TNFRSF25: variants seen among roughly 807,000 people sequenced by gnomAD.
TNFRSF25 encodes tumor necrosis factor receptor superfamily member 25.
TNFRSF25 carries 28 observed loss-of-function variants against 49.4 expected under a neutral mutation model. That is an observed-to-expected ratio of 0.57 (90% CI 0.42 to 0.78). TNFRSF25 has a LOEUF of 0.78. TNFRSF25 is among the 30% of genes least tolerant of loss of function. The pLI is 0.00. For missense variants in TNFRSF25, 531 were observed against 581.6 expected (o/e 0.91, Z 0.90); for synonymous variants, 240 against 234.2 (o/e 1.02, Z -0.23).
Position 6,461,069 on chromosome 1 carries a change from C to T in TNFRSF25, c.*365G>A. The T allele has an allele frequency of 2.1e-6, 1 of 483,000 alleles. No homozygotes were observed. Among genetic ancestry groups the T allele is most frequent in the Non-Finnish European group, 4.2e-6 (1 of 238,924 alleles). The allele number at this position is 483,000 out of a possible 1,614,324, so 29.9% of individuals were successfully genotyped here. On this transcript the variant is annotated 3_prime_UTR_variant, in exon 10 of 10. Coordinates refer to ENST00000356876, the MANE Select transcript of TNFRSF25 (RefSeq NM_003790.3). This position sits in a 1 kb window ranked among gnomAD's most constrained non-coding sequence, Gnocchi z 6.3. ...CCATGGGTGCCAGATCCCGGGGTGACAAGATTCCCGTCCCCTTCGAATCCC... is the reference window on the plus strand; with the variant it reads ...CCATGGGTGCCAGATCCCGGGGTGATAAGATTCCCGTCCCCTTCGAATCCC...
Position 6,461,077 on chromosome 1 carries a change from C to A in TNFRSF25, c.*357G>T. The A allele has an allele frequency of 2.0e-6, 1 of 499,880 alleles. No individual in the cohort carries two copies. Among genetic ancestry groups the A allele is most frequent in the Non-Finnish European group, 4.0e-6 (1 of 248,536 alleles). The allele number at this position is 499,880 out of a possible 1,614,324, so 31.0% of individuals were successfully genotyped here. ...GCCAGATCCCGGGGTGACAAGATTC[C>A]CGTCCCCTTCGAATCCCTCGAGAAA... On this transcript the variant is annotated 3_prime_UTR_variant, in exon 10 of 10. Coordinates refer to ENST00000356876, the MANE Select transcript of TNFRSF25 (RefSeq NM_003790.3). This position sits in a 1 kb window ranked among gnomAD's most constrained non-coding sequence, Gnocchi z 6.3.
chr1:6,463,047 C>T, intron 6 of TNFRSF25, 25 bp downstream of exon 6: 1 of 1,552,352 alleles, frequency 6.4e-7, no homozygotes, highest in Non-Finnish European at 8.7e-7. Flanking sequence ...AGTTCTCCCA[C>T]TCGCATTCCC....
At position 6,461,237 on chromosome 1, in the gene TNFRSF25, C is replaced by A; in HGVS notation, c.*197G>T. 1 of 748,704 alleles carries A rather than the reference C, an allele frequency of 1.3e-6. No homozygotes were observed. Among genetic ancestry groups the A allele is most frequent in the Non-Finnish European group, 2.4e-6 (1 of 414,818 alleles). 46.4% of individuals were successfully genotyped at this position (748,704 alleles called of 1,614,324 possible). On this transcript the variant is annotated 3_prime_UTR_variant, in exon 10 of 10. Transcript: ENST00000356876. This position sits in a 1 kb window ranked among gnomAD's most constrained non-coding sequence, Gnocchi z 6.3. ...CGAGAAGTTGAGAAATGTCTTCACC[C>A]CCTCTCGACATTCGTTCGTGCTTCT...
rs1644263501 is a variant in TNFRSF25 at position 6,464,164 on chromosome 1, G to A, written c.542+211C>T. 42 of 1,425,446 alleles carry A rather than the reference G, an allele frequency of 2.9e-5. No homozygotes were observed. In the South Asian group the frequency reaches 5.4e-4, roughly 18 times the overall value. The allele number at this position is 1,425,446 out of a possible 1,614,324, so 88.3% of individuals were successfully genotyped here. A position where few individuals can be genotyped will look rare whatever the true frequency, so the allele number is the denominator to read the frequency against. ...GGGGGAATGCTGGCTGAAAGTGAAG[G>A]CAAATACCCTTATGTATCTGGCTAA... On this transcript the variant is annotated intron_variant, in intron 5 of 9. Coordinates refer to ENST00000356876, the MANE Select transcript of TNFRSF25 (RefSeq NM_003790.3).
In TNFRSF25 at chr1:6,464,472, A is replaced by G; in HGVS notation, c.464-19T>C. The G allele has an allele frequency of 6.2e-7, 1 of 1,611,510 alleles. No individual in the cohort carries two copies. Among genetic ancestry groups the G allele is most frequent in the Middle Eastern group, 1.7e-4 (1 of 6,060 alleles). On this transcript the variant is annotated intron_variant, in intron 4 of 9. Coordinates refer to ENST00000356876, the MANE Select transcript of TNFRSF25 (RefSeq NM_003790.3). ...CGGGAACCTGCAATCCAGGAGAGGC[A>G]TGCGTCACCATGGGACAGGAGTGGG...
At position 6,461,559 on chromosome 1, in the gene TNFRSF25, C is replaced by T. The variant is rs1569778694; in HGVS notation, c.1129G>A (p.Glu377Lys). ...EIGRFRDQQY[E>K]MLKRWRQQQP... Reference sequence around the variant, plus strand: ...TGCTGGCGCCAGCGCTTGAGCATCTCGTACTGCTGGTCTCGGAAGCGGCCG... The same window carrying T: ...TGCTGGCGCCAGCGCTTGAGCATCTTGTACTGCTGGTCTCGGAAGCGGCCG... The change falls in exon 10 of 10, where the codon GAG becomes AAG. Residue 377 changes from glutamate to lysine, a missense_variant. Physicochemically the swap from Glu to Lys is moderately conservative, Grantham distance 56. Coordinates refer to ENST00000356876, the MANE Select transcript of TNFRSF25 (RefSeq NM_003790.3). This position sits in a 1 kb window ranked among gnomAD's most constrained non-coding sequence, Gnocchi z 6.3. 1.2e-6 allele frequency: 2 copies of T among 1,610,154 alleles called. No homozygotes were observed. The highest frequency in any genetic ancestry group is 8.5e-7 in the Non-Finnish European group (1 of 1,179,420).
At chr1:6,465,992 G>A (rs1415488834) in intron 1 of TNFRSF25, 77 bp downstream of exon 1, 7 of 1,518,488 alleles carry the variant, frequency 4.6e-6, no homozygotes, top group Non-Finnish European at 5.3e-6. Flanking sequence ...GTGGAGACGC[G>A]CCCGGGGCCC....
chr1:6,462,879 G>C lies in TNFRSF25; in HGVS notation c.690C>G (p.His230Gln). The stretch of plus-strand genomic sequence containing the variant: ...TGTACTTACCAGTAACCAGGGGCTT[G>C]TGAGGCCAGCAGTGGCGGTATGTGT... Reference protein sequence around the residue: ...LTYTYRHCWPHKPLVTADEAG... With the variant: ...LTYTYRHCWPQKPLVTADEAG... The change falls in exon 7 of 10, where the codon CAC (histidine) becomes CAG (glutamine). Residue 230 changes from histidine (H) to glutamine (Q), a missense_variant. Coordinates refer to ENST00000356876, the MANE Select transcript of TNFRSF25 (RefSeq NM_003790.3). The surrounding 1 kb of genome is among the most constrained non-coding windows in gnomAD (Gnocchi z 4.2). 6.2e-7 allele frequency: 1 copy of C among 1,608,454 alleles called. No homozygotes were observed. Among genetic ancestry groups the C allele is most frequent in the Non-Finnish European group, 8.5e-7 (1 of 1,177,512 alleles).
Position 6,461,919 on chromosome 1 carries a change from C to G in TNFRSF25, c.925+75G>C. 6.5e-7 allele frequency: 1 copy of G among 1,527,834 alleles called. No homozygotes were observed. The highest frequency in any genetic ancestry group is 8.8e-7 in the Non-Finnish European group (1 of 1,141,410). 94.6% of individuals were successfully genotyped at this position (1,527,834 alleles called of 1,614,324 possible). On this transcript the variant is annotated intron_variant, in intron 9 of 9. Coordinates refer to ENST00000356876, the MANE Select transcript of TNFRSF25 (RefSeq NM_003790.3). This position sits in a 1 kb window ranked among gnomAD's most constrained non-coding sequence, Gnocchi z 6.3. The stretch of plus-strand genomic sequence containing the variant: ...CGTCAGTTAGGGGGCAGAAAGGGAA[C>G]ACGTTGTGAAACCACAACTTCCCAC...
Position 6,462,348 on chromosome 1 carries a change from T to A in TNFRSF25, c.745-174A>T. 8.8e-7 allele frequency: 1 copy of A among 1,142,680 alleles called. No homozygotes were observed. The highest frequency in any genetic ancestry group is 1.6e-5 in the South Asian group (1 of 61,278). 70.8% of individuals were successfully genotyped at this position (1,142,680 alleles called of 1,614,324 possible). Reference sequence around the variant, plus strand: ...GCCCAGCAGAACTCTTGCTTCTGCCTTGAGTCCCCTGCCCCCGCCTCCTTC... The same window carrying A: ...GCCCAGCAGAACTCTTGCTTCTGCCATGAGTCCCCTGCCCCCGCCTCCTTC... On this transcript the variant is annotated intron_variant, in intron 8 of 9. Transcript: ENST00000356876. The surrounding 1 kb of genome is among the most constrained non-coding windows in gnomAD (Gnocchi z 4.2).
At position 6,461,152 on chromosome 1, in the gene TNFRSF25, T is replaced by TTTTG; in HGVS notation, c.*278_*281dup. ...CCCCGCAGAAACGCCAAGAAGCCGT[T>TTTTG]TTTGTTTTGTTTTGTTTTCTTTCAC... On this transcript the variant is annotated 3_prime_UTR_variant, in exon 10 of 10. Transcript: ENST00000356876. This position sits in a 1 kb window ranked among gnomAD's most constrained non-coding sequence, Gnocchi z 6.3. 1 of 598,528 alleles carries TTTTG rather than the reference T, an allele frequency of 1.7e-6. No individual in the cohort carries two copies. Among genetic ancestry groups the TTTTG allele is most frequent in the South Asian group, 1.5e-5 (1 of 65,688 alleles). The allele number at this position is 598,528 out of a possible 1,614,324, so 37.1% of individuals were successfully genotyped here.
rs1305029081 is a variant in TNFRSF25, at chr1:6,461,729, G to C, written c.959C>G (p.Ser320Cys). ...PAAAPTLSPE[S>C]PAGSPAMMLQ... ...CATCATGGCTGGCGAGCCGGCTGGGGACTCTGGCGAGAGTGTGGGCGCAGC... is the reference window on the plus strand; with the variant it reads ...CATCATGGCTGGCGAGCCGGCTGGGCACTCTGGCGAGAGTGTGGGCGCAGC... Residue 320 changes from serine to cysteine, a missense_variant, in exon 10 of 10, where the codon TCC (serine) becomes TGC (cysteine). By Grantham distance (112) the Ser-to-Cys change is moderately radical. Coordinates refer to ENST00000356876, the MANE Select transcript of TNFRSF25 (RefSeq NM_003790.3). This position sits in a 1 kb window ranked among gnomAD's most constrained non-coding sequence, Gnocchi z 6.3. 3 of 1,546,776 alleles carry C rather than the reference G, an allele frequency of 1.9e-6. No homozygotes were observed. The African/African-American group carries it at 4.1e-5, about 21-fold the overall frequency.
chr1:6,465,918 G>C (rs1320908780), intron 1 of TNFRSF25, 151 bp downstream of exon 1: 1 of 1,435,110 alleles, frequency 7.0e-7, no homozygotes, highest in East Asian at 2.7e-5. Context: ...GAAGGGCTAC[G>C]CCCTGGAGGA....
chr1:6,461,243 C>T lies in TNFRSF25; in HGVS notation c.*191G>A, dbSNP rs1644162390. ...GTTGAGAAATGTCTTCACCCCCTCT[C>T]GACATTCGTTCGTGCTTCTTCGCCT... is the stretch of plus-strand genomic sequence containing the variant. On this transcript the variant is annotated 3_prime_UTR_variant, in exon 10 of 10. Coordinates refer to ENST00000356876, the MANE Select transcript of TNFRSF25 (RefSeq NM_003790.3). The surrounding 1 kb of genome is among the most constrained non-coding windows in gnomAD (Gnocchi z 6.3). 1.3e-5 allele frequency: 10 copies of T among 766,970 alleles called. No individual in the cohort carries two copies. The highest frequency in any genetic ancestry group is 2.3e-5 in the Non-Finnish European group (10 of 431,498). 47.5% of individuals were successfully genotyped at this position (766,970 alleles called of 1,614,324 possible). A position where few individuals can be genotyped will look rare whatever the true frequency, so the allele number is the denominator to read the frequency against.
rs768554635 is a variant in TNFRSF25 at position 6,461,230 on chromosome 1, C to G, written c.*204G>C. 5 of 742,644 alleles carry G rather than the reference C, an allele frequency of 6.7e-6. No individual in the cohort carries two copies. In the South Asian group the frequency reaches 7.4e-5, roughly 11 times the overall value. The allele number at this position is 742,644 out of a possible 1,614,324, so 46.0% of individuals were successfully genotyped here. A position where few individuals can be genotyped will look rare whatever the true frequency, so the allele number is the denominator to read the frequency against. ...CTCCGGCCGAGAAGTTGAGAAATGT[C>G]TTCACCCCCTCTCGACATTCGTTCG... is the stretch of plus-strand genomic sequence containing the variant. On this transcript the variant is annotated 3_prime_UTR_variant, in exon 10 of 10. Coordinates refer to ENST00000356876, the MANE Select transcript of TNFRSF25 (RefSeq NM_003790.3). This position sits in a 1 kb window ranked among gnomAD's most constrained non-coding sequence, Gnocchi z 6.3.
rs908617330 is a variant in TNFRSF25 at position 6,465,186 on chromosome 1, C to A, written c.197G>T (p.Gly66Val). 1 of 1,613,118 alleles carries A rather than the reference C, an allele frequency of 6.2e-7. No homozygotes were observed. The highest frequency in any genetic ancestry group is 1.3e-5 in the African/African-American group (1 of 74,920). ...GGGACACACAAGGCAGGTGGAGTTGCCGCAGGGCTCCGTGCAAGGGGCCTT... is the reference window on the plus strand; with the variant it reads ...GGGACACACAAGGCAGGTGGAGTTGACGCAGGGCTCCGTGCAAGGGGCCTT... The part of the protein sequence containing the change: ...YLKAPCTEPC[G>V]NSTCLVCPQD... The change falls in exon 3 of 10, where the codon GGC (glycine) becomes GTC (valine). Residue 66 changes from glycine (G) to valine (V), a missense_variant. Gly to Val is a moderately radical substitution (Grantham distance 109, BLOSUM62 -3). Coordinates refer to ENST00000356876, the MANE Select transcript of TNFRSF25 (RefSeq NM_003790.3).
chr1:6,461,729 G>T lies in TNFRSF25; in HGVS notation c.959C>A (p.Ser320Tyr). ...CATCATGGCTGGCGAGCCGGCTGGGGACTCTGGCGAGAGTGTGGGCGCAGC... is the reference window on the plus strand; with the variant it reads ...CATCATGGCTGGCGAGCCGGCTGGGTACTCTGGCGAGAGTGTGGGCGCAGC... ...PAAAPTLSPE[S>Y]PAGSPAMMLQ... Residue 320 changes from serine (S) to tyrosine (Y), a missense_variant, in exon 10 of 10, where the codon TCC becomes TAC. Physicochemically the swap from Ser to Tyr is moderately radical, Grantham distance 144. Coordinates refer to ENST00000356876, the MANE Select transcript of TNFRSF25 (RefSeq NM_003790.3). This position sits in a 1 kb window ranked among gnomAD's most constrained non-coding sequence, Gnocchi z 6.3. The T allele has an allele frequency of 3.2e-6, 5 of 1,546,894 alleles. No homozygotes were observed. Among genetic ancestry groups the T allele is most frequent in the Non-Finnish European group, 4.3e-6 (5 of 1,151,990 alleles).
At chr1:6,465,822 C>T in intron 1 of TNFRSF25, 2 of 1,424,760 alleles carry the variant, frequency 1.4e-6, no homozygotes, top group Non-Finnish European at 1.8e-6. Flanking sequence ...CCCCCACCCC[C>T]ACCCATGCTT....
In TNFRSF25 at chr1:6,461,805, C is replaced by A; in HGVS notation, c.926-43G>T. 1 of 1,466,658 alleles carries A rather than the reference C, an allele frequency of 6.8e-7. No individual in the cohort carries two copies. The highest frequency in any genetic ancestry group is 9.0e-7 in the Non-Finnish European group (1 of 1,110,456). 90.9% of individuals were successfully genotyped at this position (1,466,658 alleles called of 1,614,324 possible). ...AGAGCCAATTGGGGTACGTGGGCCG[C>A]GGTCGGGAGGCAGAGTCAGGGGCGT... On this transcript the variant is annotated intron_variant, in intron 9 of 9. Transcript: ENST00000356876. The surrounding 1 kb of genome is among the most constrained non-coding windows in gnomAD (Gnocchi z 6.3).
Sources: gnomAD v4.1 joint callset for allele counts on GRCh38, gnomAD v4.1.1 for gene constraint, Gnocchi (gnomAD v3.1) non-coding constraint, MANE v1.5 for transcripts, NCBI Gene and HGNC (gene_info 2026-07-23, HGNC 2026-07-21) for gene names.